The following CELF2 variants were observed in gnomAD, a reference collection of about 807,000 sequenced individuals.
The protein encoded by CELF2 is CUGBP Elav-like family member 2.
A neutral mutation model predicts 62.6 loss-of-function variants in CELF2; 8 were observed. The observed-to-expected ratio is 0.13, with a 90% CI of 0.07 to 0.23. CELF2 has a LOEUF of 0.23. Among genes scored for constraint, CELF2 ranks in the 10% least tolerant of loss-of-function variants. The probability of loss-of-function intolerance (pLI) is 1.00; values close to 1 mark genes in which losing one functional copy is unlikely to be tolerated. For synonymous variants in CELF2, 258 were observed against 250.0 expected, an observed-to-expected ratio of 1.03 and a Z score of -0.30; for missense variants, 333 against 671.0, an observed-to-expected ratio of 0.50 and a Z score of 5.56.
chr10:10,569,507 A>C, the CELF2 span, among the ~76,000 whole-genome samples: 1 of 152,156 alleles, frequency 6.6e-6, no homozygotes, highest in African/African-American at 2.4e-5. Flanking sequence ...TCAAGATGAG[A>C]TTTGGGTGGA....
intron 2 of CELF2, among the ~76,000 whole-genome samples, chr10:11,173,608 T>A (rs561437989): frequency 6.6e-6 from 1 of 152,344 alleles, no homozygotes; most frequent in African/African-American, 2.4e-5. Flanking sequence ...CTTATGTTAG[T>A]AGATTCTTAA....
the CELF2 span, among the ~76,000 whole-genome samples, chr10:10,500,586 C>T: frequency 6.6e-5 from 10 of 152,182 alleles, no homozygotes; most frequent in African/African-American, 1.7e-4. Flanking sequence ...TGAGGCCTCC[C>T]CAGCCACATG....
At chr10:10,648,562 C>G in the CELF2 span, among the ~76,000 whole-genome samples, 3 of 152,330 alleles carry the variant, frequency 2.0e-5, no homozygotes, top group South Asian at 6.2e-4. Flanking sequence ...ACAACTATTA[C>G]ATGGCATCAC....
In CELF2 at chr10:11,269,909, A is replaced by T. The variant is rs2083252178; in HGVS notation, c.619-757A>T. 6.6e-6 allele frequency among the ~76,000 whole-genome samples: 1 copy of T among 152,204 alleles called. No homozygotes were observed. Among genetic ancestry groups the T allele is most frequent in the Non-Finnish European group, 1.5e-5 (1 of 68,040 alleles). On this transcript the variant is annotated intron_variant, in intron 6 of 12. Transcript: ENST00000633077. This position sits in a 1 kb window ranked among gnomAD's most constrained non-coding sequence, Gnocchi z 4.4. Reference sequence around the variant, plus strand: ...GAATGGTGAGATTCATTAGGGAAAGAAGCCAAGTGGACTCCTCCGTCTGCT... The same window carrying T: ...GAATGGTGAGATTCATTAGGGAAAGTAGCCAAGTGGACTCCTCCGTCTGCT...
Position 11,270,602 on chromosome 10 carries a change from G to A in CELF2, c.619-64G>A, listed in dbSNP as rs980442700. The A allele has an allele frequency of 7.5e-7, 1 of 1,332,452 alleles. No individual in the cohort carries two copies. The highest frequency in any genetic ancestry group is 9.8e-7 in the Non-Finnish European group (1 of 1,020,338). 82.5% of individuals were successfully genotyped at this position (1,332,452 alleles called of 1,614,324 possible). ...TGCAGAAAGGTAGCTCCGGTGCTGA[G>A]TGTCGTGAGCGGATTCCGCCAGCCT... On this transcript the variant is annotated intron_variant, in intron 6 of 12. Coordinates refer to ENST00000633077, the MANE Select transcript of CELF2 (RefSeq NM_001326342.2). This position sits in a 1 kb window ranked among gnomAD's most constrained non-coding sequence, Gnocchi z 5.8.
intron 1 of CELF2, among the ~76,000 whole-genome samples, chr10:11,112,549 C>T (rs2055473034): frequency 6.6e-6 from 1 of 152,238 alleles, no homozygotes; most frequent in Non-Finnish European, 1.5e-5. Context: ...AGCTTTCCAA[C>T]TGGTTACCAG....
upstream of CELF2, among the ~76,000 whole-genome samples, chr10:10,793,568 T>C (rs947329959): frequency 2.0e-5 from 3 of 152,204 alleles, no homozygotes; most frequent in Non-Finnish European, 4.4e-5. Flanking sequence ...TCAGTTTCAA[T>C]GCTTCTCAAC....
the CELF2 span, among the ~76,000 whole-genome samples, chr10:10,538,895 G>GTT: frequency 2.0e-5 from 3 of 152,070 alleles, no homozygotes; most frequent in Admixed American, 6.6e-5. Flanking sequence ...TTATCTTTTT[G>GTT]TTTGAGTGTC....
intron 2 of CELF2, among the ~76,000 whole-genome samples, chr10:11,183,044 A>T (rs2073906766): frequency 6.6e-6 from 1 of 152,238 alleles, no homozygotes; most frequent in Non-Finnish European, 1.5e-5. Context: ...ACATATGTAT[A>T]CACCTGTGAA....
chr10:10,515,603 T>C, the CELF2 span, among the ~76,000 whole-genome samples: 3 of 152,218 alleles, frequency 2.0e-5, no homozygotes, highest in Non-Finnish European at 4.4e-5. Context: ...GATACTCTGT[T>C]ATTATCCCCG....
upstream of CELF2, among the ~76,000 whole-genome samples, chr10:10,797,334 G>A (rs2054201414): frequency 6.6e-6 from 1 of 151,726 alleles, no homozygotes; most frequent in African/African-American, 2.4e-5. Flanking sequence ...GAAGTCTCTG[G>A]CTGGTGCAGG....
chr10:10,488,849 G>A, the CELF2 span, among the ~76,000 whole-genome samples: 21,216 of 151,894 alleles, frequency 0.14, 1,916 homozygotes, highest in Non-Finnish European at 0.21. Flanking sequence ...TTGAAAAACC[G>A]TATAACCAAT....
At chr10:10,914,180 A>G (rs991402770) in intron 1 of CELF2, among the ~76,000 whole-genome samples, 4 of 152,146 alleles carry the variant, frequency 2.6e-5, no homozygotes, top group African/African-American at 2.4e-5. Flanking sequence ...TTAAAGATAC[A>G]GTTGGAGAAA....
chr10:10,753,299 CTGTGTGTG>C, the CELF2 span, among the ~76,000 whole-genome samples: 7 of 149,892 alleles, frequency 4.7e-5, no homozygotes, highest in East Asian at 3.9e-4. Context: ...TTCCAAAGCT[CTGTGTGTG>C]TGTGTGTGTG....
chr10:11,004,422 C>CGTGTGTGT (rs10676789), upstream of CELF2, among the ~76,000 whole-genome samples: 15 of 148,586 alleles, frequency 1.0e-4, no homozygotes, highest in African/African-American at 3.5e-4. This position sits in a 1 kb window ranked among gnomAD's most constrained non-coding sequence, Gnocchi z 5.0. Flanking sequence ...TGTGCGCGCG[C>CGTGTGTGT]GTGTGTGTGT....
chr10:10,949,026 A>G (rs2048011281), intron 2 of CELF2, among the ~76,000 whole-genome samples: 1 of 152,166 alleles, frequency 6.6e-6, no homozygotes, highest in African/African-American at 2.4e-5. Flanking sequence ...ACGCACACAC[A>G]AACAGCAGGT....
chr10:10,910,799 C>A (rs2063751031), intron 1 of CELF2, among the ~76,000 whole-genome samples: 2 of 151,374 alleles, frequency 1.3e-5, no homozygotes, highest in African/African-American at 4.9e-5. Flanking sequence ...TTGACTTTTG[C>A]TTTTCAGTTC....
chr10:10,616,174 G>A, the CELF2 span, among the ~76,000 whole-genome samples: 1 of 152,208 alleles, frequency 6.6e-6, no homozygotes, highest in South Asian at 2.1e-4. Flanking sequence ...AGGAGCAGTG[G>A]TTCAATGTTC....
rs1237840360 is a variant in CELF2 at position 11,328,641 on chromosome 10, C to T, written c.1439-285C>T. Among the ~76,000 whole-genome samples the T allele has an allele frequency of 6.6e-6, 1 of 152,248 alleles. No individual in the cohort carries two copies. Among genetic ancestry groups the T allele is most frequent in the Non-Finnish European group, 1.5e-5 (1 of 68,042 alleles). ...ATTTGAGCGAGTTCAGTAAGTGGAA[C>T]TGAATTCAGCCAAACAATTGAGTCT... On this transcript the variant is annotated intron_variant, in intron 12 of 12. Transcript: ENST00000633077. This position sits in a 1 kb window ranked among gnomAD's most constrained non-coding sequence, Gnocchi z 6.4.
Sources: allele counts gnomAD v4.1 joint callset (sites outside exome capture counted in the v4.1 genomes callset), GRCh38; gene constraint gnomAD v4.1.1; non-coding constraint Gnocchi (gnomAD v3.1); transcripts MANE v1.5; gene names NCBI Gene and HGNC (gene_info 2026-07-23, HGNC 2026-07-21).